Variants in PABPC4L observed in about 807,000 individuals in gnomAD.
PABPC4L encodes polyadenylate-binding protein 4-like.
For missense variants in PABPC4L, 452 were observed against 451.4 expected (o/e 1.00, Z -0.01); for synonymous variants, 169 against 164.1 (o/e 1.03, Z -0.23).
At chr4:134,153,426 T>C in the PABPC4L span, among the ~76,000 whole-genome samples, 1 of 152,012 alleles carries the variant, frequency 6.6e-6, no homozygotes, top group African/African-American at 2.4e-5. Context: ...CCATAAAGGT[T>C]ACAAGAAATA....
the PABPC4L span, among the ~76,000 whole-genome samples, chr4:134,018,983 A>G: frequency 6.6e-6 from 1 of 152,074 alleles, no homozygotes; most frequent in Non-Finnish European, 1.5e-5. Flanking sequence ...TTCCCTTCCA[A>G]GTGTGATTTG....
the PABPC4L span, among the ~76,000 whole-genome samples, chr4:134,058,853 A>G: frequency 0.15 from 22,790 of 151,974 alleles, 2,009 homozygotes; most frequent in Non-Finnish European, 0.19. Flanking sequence ...AGAGAGCATG[A>G]CAACAGATGG....
the PABPC4L span, among the ~76,000 whole-genome samples, chr4:134,175,517 C>T: frequency 1.3e-5 from 2 of 151,990 alleles, no homozygotes; most frequent in East Asian, 1.9e-4. Flanking sequence ...GGCACAATCT[C>T]GGCTCACTGC....
the PABPC4L span, among the ~76,000 whole-genome samples, chr4:134,128,360 G>A: frequency 1.4e-4 from 22 of 152,114 alleles, no homozygotes; most frequent in African/African-American, 1.9e-4. Context: ...GCACATAGGC[G>A]TCAGGTTATC....
the PABPC4L span, among the ~76,000 whole-genome samples, chr4:134,089,757 T>C: frequency 6.6e-6 from 1 of 152,056 alleles, no homozygotes; most frequent in African/African-American, 2.4e-5. Flanking sequence ...CTTTTCTTTA[T>C]ATGTGGGTTC....
the PABPC4L span, among the ~76,000 whole-genome samples, chr4:134,099,301 T>G: frequency 6.6e-6 from 1 of 151,676 alleles, no homozygotes; most frequent in Non-Finnish European, 1.5e-5. Flanking sequence ...TTATGTTAAG[T>G]GCATCATTCA....
At chr4:134,020,168 A>C in the PABPC4L span, among the ~76,000 whole-genome samples, 1 of 152,112 alleles carries the variant, frequency 6.6e-6, no homozygotes, top group Non-Finnish European at 1.5e-5. Flanking sequence ...GTGAGTCCGC[A>C]GTGCAAAGTA....
chr4:134,152,497 A>G, the PABPC4L span, among the ~76,000 whole-genome samples: 4 of 152,162 alleles, frequency 2.6e-5, no homozygotes, highest in Admixed American at 1.3e-4. Context: ...CCTCTGTGGC[A>G]GGCTTCTGCC....
chr4:134,114,724 T>A, the PABPC4L span, among the ~76,000 whole-genome samples: 1 of 151,880 alleles, frequency 6.6e-6, no homozygotes, highest in East Asian at 1.9e-4. Context: ...CTATTCAAAC[T>A]TTTATGTGAA....
chr4:134,013,319 G>A, the PABPC4L span, among the ~76,000 whole-genome samples: 588 of 151,272 alleles, frequency 3.9e-3, 4 homozygotes, highest in African/African-American at 0.014. Flanking sequence ...TTTCCACACC[G>A]CGACCCCTTC....
the PABPC4L span, among the ~76,000 whole-genome samples, chr4:133,966,509 T>G: frequency 6.6e-6 from 1 of 152,208 alleles, no homozygotes; most frequent in Non-Finnish European, 1.5e-5. Flanking sequence ...TGCACACATA[T>G]GTTTATAGCA....
At chr4:133,990,305 A>G in the PABPC4L span, among the ~76,000 whole-genome samples, 10 of 152,110 alleles carry the variant, frequency 6.6e-5, no homozygotes, top group Non-Finnish European at 1.5e-4. Context: ...AAAATTTTTC[A>G]TTATTATTAT....
chr4:134,114,886 C>T, the PABPC4L span, among the ~76,000 whole-genome samples: 1 of 151,816 alleles, frequency 6.6e-6, no homozygotes, highest in Non-Finnish European at 1.5e-5. Flanking sequence ...AATATCCATC[C>T]TTTTGTTATC....
the PABPC4L span, among the ~76,000 whole-genome samples, chr4:134,003,804 G>A: frequency 6.6e-6 from 1 of 151,886 alleles, no homozygotes; most frequent in African/African-American, 2.4e-5. Flanking sequence ...CGCATGCAGA[G>A]ACTTCAAGGA....
At chr4:134,018,678 A>T in the PABPC4L span, among the ~76,000 whole-genome samples, 1 of 152,202 alleles carries the variant, frequency 6.6e-6, no homozygotes, top group African/African-American at 2.4e-5. Context: ...TTCAAAGCAC[A>T]TTGTTTACGT....
the PABPC4L span, among the ~76,000 whole-genome samples, chr4:134,147,323 T>C: frequency 6.6e-6 from 1 of 152,148 alleles, no homozygotes; most frequent in Non-Finnish European, 1.5e-5. Flanking sequence ...TGAGTCTTAG[T>C]TTCAGTTTGG....
the PABPC4L span, among the ~76,000 whole-genome samples, chr4:134,164,194 C>T: frequency 4.9e-5 from 6 of 121,404 alleles, no homozygotes; most frequent in South Asian, 1.4e-3. Flanking sequence ...ACCCGGGAGG[C>T]GGAGCTTGCA....
the PABPC4L span, among the ~76,000 whole-genome samples, chr4:134,037,825 G>C: frequency 1.3e-5 from 2 of 151,942 alleles, no homozygotes; most frequent in Non-Finnish European, 2.9e-5. Context: ...TCTTTCTCTT[G>C]CCTGATTGCC....
the PABPC4L span, among the ~76,000 whole-genome samples, chr4:134,112,350 A>G: frequency 6.6e-6 from 1 of 151,930 alleles, no homozygotes; most frequent in African/African-American, 2.4e-5. Context: ...TGTAAGAGTA[A>G]TATATTTTAC....
Sources: allele counts gnomAD v4.1 joint callset (sites outside exome capture counted in the v4.1 genomes callset), GRCh38; gene constraint gnomAD v4.1.1; transcripts MANE v1.5; gene names NCBI Gene and HGNC (gene_info 2026-07-23, HGNC 2026-07-21).